OTUD7B: variants seen among roughly 807,000 people sequenced by gnomAD.
OTUD7B encodes the protein OTU deubiquitinase 7B.
Under a neutral mutation model 82.2 loss-of-function variants are expected in OTUD7B, and 34 were observed. The ratio of observed to expected loss-of-function variants is 0.41; its 90% CI spans 0.31 to 0.55. The LOEUF is 0.55. OTUD7B is among the 20% of genes least tolerant of loss of function. OTUD7B has a pLI of 0.20. For missense variants in OTUD7B, 944 were observed against 1,062.1 expected (o/e 0.89, Z 1.55); for synonymous variants, 398 against 402.7 (o/e 0.99, Z 0.14).
the OTUD7B span, among the ~76,000 whole-genome samples, chr1:150,019,579 T>C: frequency 2.6e-5 from 4 of 152,046 alleles, no homozygotes; most frequent in Non-Finnish European, 5.9e-5. Flanking sequence ...TTTGGCCAGG[T>C]TGGCCTCGAA....
the OTUD7B span, among the ~76,000 whole-genome samples, chr1:150,065,237 A>C: frequency 6.6e-6 from 1 of 151,928 alleles, no homozygotes. Context: ...ATGCCCAACT[A>C]ATTTTTTGTA....
rs1475061563 is a variant in OTUD7B, at chr1:149,943,331, C to G, written c.*526G>C. 2 of 155,484 alleles carry G rather than the reference C, an allele frequency of 1.3e-5. No individual in the cohort carries two copies. The highest frequency in any genetic ancestry group is 3.8e-4 in the East Asian group (2 of 5,246). 9.6% of individuals were successfully genotyped at this position (155,484 alleles called of 1,614,324 possible). A position where few individuals can be genotyped will look rare whatever the true frequency, so the allele number is the denominator to read the frequency against. On this transcript the variant is annotated 3_prime_UTR_variant, in exon 12 of 12. Coordinates refer to ENST00000581312, the MANE Select transcript of OTUD7B (RefSeq NM_020205.4). ...TACTGCCTTGTCTTTCCAGATCCTT[C>G]AAGGGGAAGAATTTATCCAACCTTA...
chr1:150,046,716 T>C, the OTUD7B span, among the ~76,000 whole-genome samples: 1 of 150,302 alleles, frequency 6.7e-6, no homozygotes, highest in African/African-American at 2.4e-5. Flanking sequence ...CCCAAAGTGC[T>C]GGGATTATAG....
rs1559815175 is a variant in OTUD7B, at chr1:149,939,940, A to G, written c.*3917T>C. On this transcript the variant is annotated 3_prime_UTR_variant, in exon 12 of 12. Transcript: ENST00000581312. Reference sequence around the variant, plus strand: ...CGAGACTCCGTCTCAAACCAAAAAAAAAAGAAAGAAAGAAAAAGGAAAAAG... The same window carrying G: ...CGAGACTCCGTCTCAAACCAAAAAAGAAAGAAAGAAAGAAAAAGGAAAAAG... The G allele has an allele frequency of 6.6e-6, 1 of 152,104 alleles. No homozygotes were observed. Among genetic ancestry groups the G allele is most frequent in the Non-Finnish European group, 1.5e-5 (1 of 68,034 alleles). The allele number at this position is 152,104 out of a possible 1,614,324, so 9.4% of individuals were successfully genotyped here.
intron 1 of OTUD7B, among the ~76,000 whole-genome samples, chr1:149,984,124 T>A (rs1213752666): frequency 1.3e-5 from 2 of 152,192 alleles, no homozygotes; most frequent in African/African-American, 2.4e-5. Flanking sequence ...TTTGCTTTAG[T>A]ACCTCAATCA....
intron 1 of OTUD7B, among the ~76,000 whole-genome samples, chr1:149,999,642 T>A (rs1652147129): frequency 6.6e-6 from 1 of 152,200 alleles, no homozygotes; most frequent in African/African-American, 2.4e-5. Flanking sequence ...GGTAGGAGGA[T>A]GGCTTGAGCC....
the OTUD7B span, among the ~76,000 whole-genome samples, chr1:150,025,803 C>G: frequency 6.6e-6 from 1 of 152,160 alleles, no homozygotes; most frequent in Non-Finnish European, 1.5e-5. Flanking sequence ...AGTTTTCTAG[C>G]CCTAGAGCAA....
upstream of OTUD7B, among the ~76,000 whole-genome samples, chr1:150,012,084 G>T (rs976680208): frequency 1.3e-5 from 2 of 152,198 alleles, no homozygotes; most frequent in African/African-American, 4.8e-5. Context: ...TACAATAGAG[G>T]TTGACAAGTA....
rs782566215 is a variant in OTUD7B at position 149,944,064 on chromosome 1, A to G, written c.2325T>C (p.Tyr775=). Residue 775 remains tyrosine (Y), a synonymous_variant, in exon 12 of 12, where the codon TAT becomes TAC. Transcript: ENST00000581312. ...LPPPYRVADS[Y]SNGYREPPEP... Reference sequence around the variant, plus strand: ...CAGGGGGCTCTCTGTAGCCATTGCTATAGGAATCAGCCACTCGGTAGGGGG... The same window carrying G: ...CAGGGGGCTCTCTGTAGCCATTGCTGTAGGAATCAGCCACTCGGTAGGGGG... The G allele has an allele frequency of 6.2e-7, 1 of 1,614,198 alleles. No individual in the cohort carries two copies. The highest frequency in any genetic ancestry group is 2.2e-5 in the East Asian group (1 of 44,882).
At chr1:150,066,542 C>A in the OTUD7B span, among the ~76,000 whole-genome samples, 4 of 152,260 alleles carry the variant, frequency 2.6e-5, no homozygotes, top group East Asian at 7.7e-4. This position sits in a 1 kb window ranked among gnomAD's most constrained non-coding sequence, Gnocchi z 4.6. Context: ...ATTGCATAAT[C>A]TTAAGCTGAT....
chr1:150,029,412 G>A, the OTUD7B span, among the ~76,000 whole-genome samples: 62 of 152,292 alleles, frequency 4.1e-4, no homozygotes, highest in Non-Finnish European at 6.9e-4. Flanking sequence ...TGATTCAAGC[G>A]AGGTCATTCT....
At chr1:149,982,976 AGCTGGGAAGCTGGGACTACAGGC>A (rs1486083089) in intron 1 of OTUD7B, among the ~76,000 whole-genome samples, 63 of 151,276 alleles carry the variant, frequency 4.2e-4, no homozygotes, top group Non-Finnish European at 7.4e-4. Flanking sequence ...CCTCCCGAGT[AGCTGGGAAGCTGGGACTACAGGC>A]GCCTGCCACC....
At chr1:150,053,692 G>A in the OTUD7B span, among the ~76,000 whole-genome samples, 9 of 151,816 alleles carry the variant, frequency 5.9e-5, no homozygotes, top group Non-Finnish European at 1.0e-4. Context: ...CACCACGCAC[G>A]GCTGAACAGA....
chr1:150,014,508 T>C (rs1035020888), upstream of OTUD7B, among the ~76,000 whole-genome samples: 12 of 151,456 alleles, frequency 7.9e-5, no homozygotes, highest in Non-Finnish European at 1.3e-4. Flanking sequence ...AAATGAAATA[T>C]ATGTGTACAC....
chr1:150,011,708 A>G (rs1653074612), upstream of OTUD7B, among the ~76,000 whole-genome samples: 1 of 152,228 alleles, frequency 6.6e-6, no homozygotes, highest in South Asian at 2.1e-4. Flanking sequence ...GCTATACTCT[A>G]ACAAAAGACA....
chr1:150,020,119 C>A, the OTUD7B span, among the ~76,000 whole-genome samples: 292 of 152,258 alleles, frequency 1.9e-3, no homozygotes, highest in Non-Finnish European at 3.7e-3. Context: ...CGGAGTGAAA[C>A]CCTGTCTCAA....
At chr1:150,028,522 T>C in the OTUD7B span, among the ~76,000 whole-genome samples, 4 of 152,312 alleles carry the variant, frequency 2.6e-5, no homozygotes, top group Admixed American at 6.5e-5. Context: ...TGTTGTGCAA[T>C]CATGACCACC....
At chr1:150,056,126 G>T in the OTUD7B span, among the ~76,000 whole-genome samples, 2 of 152,116 alleles carry the variant, frequency 1.3e-5, no homozygotes, top group Non-Finnish European at 2.9e-5. Context: ...ACAGGAATAT[G>T]AATTTTCTAG....
the OTUD7B span, among the ~76,000 whole-genome samples, chr1:150,060,990 G>C: frequency 5.3e-5 from 8 of 152,024 alleles, no homozygotes; most frequent in African/African-American, 1.7e-4. Flanking sequence ...GAACGTTCAT[G>C]GCTCACTGCA....
Sources: gnomAD v4.1 joint callset for allele counts (sites outside exome capture counted in the v4.1 genomes callset) on GRCh38, gnomAD v4.1.1 for gene constraint, Gnocchi (gnomAD v3.1) non-coding constraint, MANE v1.5 for transcripts, NCBI Gene and HGNC (gene_info 2026-07-23, HGNC 2026-07-21) for gene names.